The following PIP4K2A variants were observed in gnomAD, a reference collection of about 807,000 sequenced individuals.
The protein encoded by PIP4K2A is phosphatidylinositol-5-phosphate 4-kinase type 2 alpha.
PIP4K2A carries 14 observed loss-of-function variants against 42.9 expected under a neutral mutation model. The ratio of observed to expected loss-of-function variants is 0.33; its 90% CI spans 0.22 to 0.51. The LOEUF is 0.51. PIP4K2A is among the 20% of genes least tolerant of loss of function. The probability of loss-of-function intolerance (pLI) is 0.97; values close to 1 mark genes in which losing one functional copy is unlikely to be tolerated. For missense variants in PIP4K2A, 434 were observed against 519.8 expected, an observed-to-expected ratio of 0.83 and a Z score of 1.61; for synonymous variants, 192 against 192.2, an observed-to-expected ratio of 1.00 and a Z score of 0.01.
intron 4 of PIP4K2A, among the ~76,000 whole-genome samples, chr10:22,588,467 T>A (rs916721940): frequency 6.6e-6 from 1 of 152,244 alleles, no homozygotes; most frequent in African/African-American, 2.4e-5. Flanking sequence ...GTATCAAGCA[T>A]GCTGGTCATC....
intron 4 of PIP4K2A, among the ~76,000 whole-genome samples, chr10:22,587,296 T>G (rs182555859): frequency 1.4e-3 from 219 of 152,070 alleles, no homozygotes; most frequent in African/African-American, 5.2e-3. Flanking sequence ...TGCAATTCAC[T>G]CCACGGGAGA....
rs1839360009 is a variant in PIP4K2A at position 22,666,709 on chromosome 10, T to A, written c.144+47474A>T. Among the ~76,000 whole-genome samples, 3 of 152,322 alleles carry A rather than the reference T, an allele frequency of 2.0e-5. No homozygotes were observed. In the South Asian group the frequency reaches 6.2e-4, roughly 32 times the overall value. On this transcript the variant is annotated intron_variant, in intron 1 of 9. Coordinates refer to ENST00000376573, the MANE Select transcript of PIP4K2A (RefSeq NM_005028.5). Reference sequence around the variant, plus strand: ...TGTTTCCGGCACCTACATTTCTTTTTTTCTTTCTGCAGGCTTCATCTGAAA... The same window carrying A: ...TGTTTCCGGCACCTACATTTCTTTTATTCTTTCTGCAGGCTTCATCTGAAA...
At chr10:22,707,548 A>G (rs1015630629) in intron 1 of PIP4K2A, among the ~76,000 whole-genome samples, 8 of 152,206 alleles carry the variant, frequency 5.3e-5, no homozygotes, top group Non-Finnish European at 1.5e-5. Context: ...AACAGCTAAT[A>G]CTCTGTCCAT....
chr10:22,604,681 CGA>C (rs1177657471), intron 3 of PIP4K2A, among the ~76,000 whole-genome samples: 1 of 151,948 alleles, frequency 6.6e-6, no homozygotes, highest in Non-Finnish European at 1.5e-5. Flanking sequence ...GGTTTTTTTC[CGA>C]TATACGCAGT....
intron 1 of PIP4K2A, among the ~76,000 whole-genome samples, chr10:22,658,209 A>G (rs775205700): frequency 5.9e-5 from 9 of 152,256 alleles, no homozygotes; most frequent in Admixed American, 4.6e-4. Flanking sequence ...TCACACCACA[A>G]TACAAATCAT....
intron 1 of PIP4K2A, among the ~76,000 whole-genome samples, chr10:22,658,199 TCA>T (rs1388338255): frequency 6.6e-6 from 1 of 152,234 alleles, no homozygotes; most frequent in African/African-American, 2.4e-5. Context: ...CATCAAAATG[TCA>T]CACCACAATA....
chr10:22,591,859 A>G (rs904873402), intron 3 of PIP4K2A, 78 bp from the exon 4 acceptor site: 9 of 1,267,768 alleles, frequency 7.1e-6, no homozygotes, highest in Non-Finnish European at 9.6e-6. Flanking sequence ...ATTCCCAGAT[A>G]ATTTGTCATC....
chr10:22,665,378 T>C (rs1403039802), intron 1 of PIP4K2A, among the ~76,000 whole-genome samples: 1 of 152,216 alleles, frequency 6.6e-6, no homozygotes, highest in Non-Finnish European at 1.5e-5. Context: ...TTAATTATAT[T>C]ACTTCAGAGA....
intron 1 of PIP4K2A, among the ~76,000 whole-genome samples, chr10:22,697,872 G>A (rs1840002328): frequency 6.6e-6 from 1 of 152,156 alleles, no homozygotes; most frequent in South Asian, 2.1e-4. Context: ...CTAACGTTAA[G>A]CAGTCAGACC....
chr10:22,692,040 T>G (rs1839881817), intron 1 of PIP4K2A, among the ~76,000 whole-genome samples: 2 of 152,096 alleles, frequency 1.3e-5, no homozygotes, highest in Admixed American at 1.3e-4. Context: ...ACCTTTATTG[T>G]GCACTTAATT....
At chr10:22,654,737 CCT>C (rs1839064301) in intron 1 of PIP4K2A, among the ~76,000 whole-genome samples, 1 of 152,170 alleles carries the variant, frequency 6.6e-6, no homozygotes, top group Non-Finnish European at 1.5e-5. Context: ...GCAGTTAACA[CCT>C]CTGAGCCCTC....
At chr10:22,537,368 G>A (rs1412163934) in intron 9 of PIP4K2A, 87 bp from the exon 10 acceptor site, 4 of 1,016,720 alleles carry the variant, frequency 3.9e-6, no homozygotes, top group Non-Finnish European at 6.0e-6. Context: ...ATTTCCAATG[G>A]CAACTGAATA....
chr10:22,622,134 C>T (rs974537059), intron 1 of PIP4K2A, among the ~76,000 whole-genome samples: 8 of 152,040 alleles, frequency 5.3e-5, no homozygotes, highest in Non-Finnish European at 8.8e-5. Flanking sequence ...GGAGAGCAGA[C>T]AATAGAAAAC....
chr10:22,594,002 CAT>C (rs1837569169), intron 3 of PIP4K2A, among the ~76,000 whole-genome samples: 1 of 152,184 alleles, frequency 6.6e-6, no homozygotes, highest in African/African-American at 2.4e-5. Flanking sequence ...TCAAAAGCTG[CAT>C]AGTCAGTGCA....
intron 6 of PIP4K2A, among the ~76,000 whole-genome samples, chr10:22,566,958 A>C (rs964235231): frequency 6.6e-6 from 1 of 152,226 alleles, no homozygotes; most frequent in African/African-American, 2.4e-5. Context: ...AGCCACAAAA[A>C]TATTCACAAA....
In PIP4K2A at chr10:22,714,298, G is replaced by A. The variant is rs1477495148; in HGVS notation, c.29C>T (p.Ser10Phe). The change falls in exon 1 of 10, where the codon TCT becomes TTT. Residue 10 changes from serine (S) to phenylalanine (F), a missense_variant. Physicochemically the swap from Ser to Phe is radical, Grantham distance 155. Around this residue, in one of 2 missense-constraint regions of PIP4K2A, gnomAD observed 395 missense variants for 444.5 expected, o/e 0.89. Transcript: ENST00000376573. MATPGNLGS[S>F]VLASKTKTKK... ...GGTCTTGGTCTTGCTCGCCAGGACA[G>A]AGGACCCTAGGTTGCCGGGGGTCGC... The A allele has an allele frequency of 6.2e-7, 1 of 1,610,402 alleles. No homozygotes were observed. Among genetic ancestry groups the A allele is most frequent in the South Asian group, 1.1e-5 (1 of 90,958 alleles).
intron 9 of PIP4K2A, among the ~76,000 whole-genome samples, chr10:22,537,541 G>A (rs1835968496): frequency 6.6e-6 from 1 of 152,112 alleles, no homozygotes; most frequent in African/African-American, 2.4e-5. Context: ...CACCGGGGCT[G>A]TTGCAACTCA....
intron 7 of PIP4K2A, among the ~76,000 whole-genome samples, chr10:22,547,237 A>G (rs545519337): frequency 1.3e-5 from 2 of 152,344 alleles, no homozygotes; most frequent in South Asian, 2.1e-4. Flanking sequence ...TTTAACGGTT[A>G]TATCTTACCA....
At chr10:22,694,368 C>T (rs1024834248) in intron 1 of PIP4K2A, 3 of 152,122 alleles carry the variant, frequency 2.0e-5, no homozygotes, top group African/African-American at 7.2e-5. Context: ...GTCCCTCTGT[C>T]ATCTGTTCAA....
Sources: allele counts gnomAD v4.1 joint callset (sites outside exome capture counted in the v4.1 genomes callset), GRCh38; gene constraint gnomAD v4.1.1; regional missense constraint gnomAD v4.1.1; transcripts MANE v1.5; gene names NCBI Gene and HGNC (gene_info 2026-07-23, HGNC 2026-07-21).